The following CMC1 variants were observed in gnomAD, a reference collection of about 807,000 sequenced individuals.
CMC1 encodes the protein COX assembly mitochondrial protein homolog.
In CMC1, 14 loss-of-function variants were observed where a neutral mutation model predicts 14.1. The ratio of observed to expected loss-of-function variants is 0.99; its 90% CI spans 0.66 to 1.55. The LOEUF (loss-of-function observed/expected upper bound fraction) is 1.55. CMC1 is among the 40% of genes most tolerant of loss of function. The pLI is 0.00. For missense variants in CMC1, 127 were observed against 123.8 expected (o/e 1.03, Z -0.12); for synonymous variants, 50 against 38.4 (o/e 1.30, Z -1.12).
chr3:28,244,410 T>G (rs2125412024), intron 1 of CMC1, among the ~76,000 whole-genome samples: 1 of 152,264 alleles, frequency 6.6e-6, no homozygotes, highest in Admixed American at 6.5e-5. Flanking sequence ...GACCTGTGGT[T>G]GCATTGAATA....
chr3:28,274,215 T>TTTTG (rs1559415143), intron 2 of CMC1, among the ~76,000 whole-genome samples: 2 of 124,796 alleles, frequency 1.6e-5, no homozygotes, highest in East Asian at 2.3e-4. Flanking sequence ...TGTTTTTGTT[T>TTTTG]TTTTCTTTTT....
intron 1 of CMC1, among the ~76,000 whole-genome samples, chr3:28,260,862 A>T (rs1699703023): frequency 6.6e-6 from 1 of 152,170 alleles, no homozygotes; most frequent in Non-Finnish European, 1.5e-5. Context: ...GGTTATTTAA[A>T]AGTGCGTTAT....
At chr3:28,291,036 G>A (rs1701444263) in intron 2 of CMC1, among the ~76,000 whole-genome samples, 1 of 151,928 alleles carries the variant, frequency 6.6e-6, no homozygotes, top group Admixed American at 6.6e-5. Context: ...TAGGATGCTG[G>A]GTTGATAGCC....
At chr3:28,253,322 A>G (rs1699227620) in intron 1 of CMC1, among the ~76,000 whole-genome samples, 1 of 152,180 alleles carries the variant, frequency 6.6e-6, no homozygotes, top group Admixed American at 6.5e-5. Flanking sequence ...TCACTCCTGT[A>G]ATCCCAGCAT....
intron 3 of CMC1, 93 bp downstream of exon 3, chr3:28,316,516 C>T: frequency 1.9e-6 from 1 of 524,604 alleles, no homozygotes; most frequent in East Asian, 3.3e-5. Context: ...TATTCTGTAC[C>T]TCTCCATACC....
chr3:28,316,145 CG>C (rs1702900463), intron 2 of CMC1, 187 bp from the exon 3 acceptor site: 1 of 402,146 alleles, frequency 2.5e-6, no homozygotes, highest in African/African-American at 2.1e-5. Flanking sequence ...TTGTTGAGCA[CG>C]GTACCATGTG....
rs897798934 is a variant in CMC1, at chr3:28,320,054, G to C, written c.*425G>C. ...ATGGCTATGAACCAGAATCCTTCCT[G>C]ATTCTACCACTTATTAGCTATACAG... On this transcript the variant is annotated 3_prime_UTR_variant, in exon 4 of 4. Coordinates refer to ENST00000466830, the MANE Select transcript of CMC1 (RefSeq NM_182523.2). 2 of 156,528 alleles carry C rather than the reference G, an allele frequency of 1.3e-5. No homozygotes were observed. Among genetic ancestry groups the C allele is most frequent in the African/African-American group, 4.8e-5 (2 of 41,388 alleles). The allele number at this position is 156,528 out of a possible 1,614,324, so 9.7% of individuals were successfully genotyped here. A position where few individuals can be genotyped will look rare whatever the true frequency, so the allele number is the denominator to read the frequency against.
At chr3:28,286,835 A>C (rs2125536760) in intron 2 of CMC1, among the ~76,000 whole-genome samples, 1 of 152,218 alleles carries the variant, frequency 6.6e-6, no homozygotes, top group African/African-American at 2.4e-5. Context: ...ATTTACTGAG[A>C]TCTTGGGGGA....
At chr3:28,300,822 A>G (rs1052092250) in intron 2 of CMC1, among the ~76,000 whole-genome samples, 5 of 149,530 alleles carry the variant, frequency 3.3e-5, no homozygotes, top group African/African-American at 9.9e-5. Flanking sequence ...GTTTTTTTCA[A>G]TTCTTGTCCC....
intron 2 of CMC1, chr3:28,314,888 A>T (rs1176175866): frequency 6.6e-6 from 1 of 152,234 alleles, no homozygotes; most frequent in Non-Finnish European, 1.5e-5. Context: ...TAAGACAATT[A>T]TAAATAATTT....
chr3:28,268,422 C>A (rs1253966306), intron 2 of CMC1, among the ~76,000 whole-genome samples: 1 of 152,104 alleles, frequency 6.6e-6, no homozygotes, highest in African/African-American at 2.4e-5. Flanking sequence ...TGTTGTCTAC[C>A]AGGGAGGCTC....
At chr3:28,255,967 T>C (rs1195277640) in intron 1 of CMC1, among the ~76,000 whole-genome samples, 1 of 152,114 alleles carries the variant, frequency 6.6e-6, no homozygotes, top group African/African-American at 2.4e-5. Context: ...TTGCTAAAAC[T>C]TCAGCTGACT....
chr3:28,249,708 C>T (rs2125426820), intron 1 of CMC1, among the ~76,000 whole-genome samples: 1 of 152,272 alleles, frequency 6.6e-6, no homozygotes, highest in East Asian at 1.9e-4. Context: ...GCTTCTGGTA[C>T]CAAAATCTGT....
At chr3:28,263,057 T>G (rs762563498) in intron 1 of CMC1, 1 of 428,720 alleles carries the variant, frequency 2.3e-6, no homozygotes, top group Non-Finnish European at 4.2e-6. Flanking sequence ...TAGTATAGTT[T>G]GCAGAAATTT....
rs9831185 is a variant in CMC1 at position 28,271,066 on chromosome 3, G to T, written c.109+7686G>T. Among the ~76,000 whole-genome samples, 960 of 151,782 alleles carry T rather than the reference G, an allele frequency of 6.3e-3. 6 individuals are homozygous for T. The highest frequency in any genetic ancestry group is 0.022 in the African/African-American group (922 of 41,394). On this transcript the variant is annotated intron_variant, in intron 2 of 3. Transcript: ENST00000466830. ...CTGCCTCAGCCTCCTGAGTAGCTGG[G>T]ATTACAGGCATGTGCCACCATACTC... is the stretch of plus-strand genomic sequence containing the variant.
chr3:28,271,718 T>G (rs1700302976), intron 2 of CMC1, among the ~76,000 whole-genome samples: 1 of 152,240 alleles, frequency 6.6e-6, no homozygotes, highest in Non-Finnish European at 1.5e-5. Context: ...CAAAATAGTT[T>G]GTTCTAATTC....
rs1666542160 is a variant in CMC1 at position 28,323,075 on chromosome 3, A to G, written c.*3446A>G. 6.6e-6 allele frequency: 1 copy of G among 151,164 alleles called. No homozygotes were observed. The highest frequency in any genetic ancestry group is 2.4e-5 in the African/African-American group (1 of 41,312). 9.4% of individuals were successfully genotyped at this position (151,164 alleles called of 1,614,324 possible). ...CAATACAGCCCAAACCCTGATTTCT[A>G]TGATTAAAAATAATAATTTTAAATC... is the stretch of plus-strand genomic sequence containing the variant. On this transcript the variant is annotated 3_prime_UTR_variant, in exon 4 of 4. Transcript: ENST00000466830.
chr3:28,289,116 T>C (rs1246695487), intron 2 of CMC1, among the ~76,000 whole-genome samples: 5 of 151,606 alleles, frequency 3.3e-5, no homozygotes, highest in African/African-American at 7.2e-5. Context: ...AGGTTTTTTT[T>C]AAGTTTTTGA....
intron 1 of CMC1, among the ~76,000 whole-genome samples, chr3:28,259,852 C>T (rs917971002): frequency 7.1e-6 from 1 of 141,182 alleles, no homozygotes; most frequent in Non-Finnish European, 1.6e-5. Context: ...TTTACGTGTA[C>T]TCATATGTGT....
Sources: gnomAD v4.1 joint callset for allele counts (sites outside exome capture counted in the v4.1 genomes callset) on GRCh38, gnomAD v4.1.1 for gene constraint, MANE v1.5 for transcripts, NCBI Gene and HGNC (gene_info 2026-07-23, HGNC 2026-07-21) for gene names.